Variants in COL10A1 observed in about 807,000 individuals in gnomAD.
The protein encoded by COL10A1 is collagen alpha-1(X) chain.
In COL10A1, 10 loss-of-function variants were observed where a neutral mutation model predicts 18.2. The ratio of observed to expected loss-of-function variants is 0.55; its 90% CI spans 0.34 to 0.93. The LOEUF is 0.93. Among genes scored for constraint, COL10A1 ranks in the 40% least tolerant of loss-of-function variants. The pLI is 0.02. For missense variants in COL10A1, 897 were observed against 853.5 expected, an observed-to-expected ratio of 1.05 and a Z score of -0.64; for synonymous variants, 330 against 316.6, an observed-to-expected ratio of 1.04 and a Z score of -0.45.
the COL10A1 span, among the ~76,000 whole-genome samples, chr6:116,215,500 A>C: frequency 6.6e-6 from 1 of 152,110 alleles, no homozygotes; most frequent in Non-Finnish European, 1.5e-5. Context: ...TCGACTTTAC[A>C]GCCTGTCCAG....
chr6:116,194,305 C>G, the COL10A1 span, among the ~76,000 whole-genome samples: 61 of 152,144 alleles, frequency 4.0e-4, no homozygotes, highest in African/African-American at 1.5e-3. Context: ...TAGCACATTA[C>G]TTGTTTTCAC....
intron 1 of COL10A1, among the ~76,000 whole-genome samples, chr6:116,136,468 GT>G: frequency 1.3e-5 from 2 of 151,518 alleles, no homozygotes; most frequent in South Asian, 4.2e-4. Context: ...GTTTTGTGGG[GT>G]TTTTTTTAAA....
intron 1 of COL10A1, among the ~76,000 whole-genome samples, chr6:116,142,361 A>C (rs1278067670): frequency 6.6e-6 from 1 of 152,108 alleles, no homozygotes; most frequent in Admixed American, 6.5e-5. Context: ...AATTAATAAC[A>C]TAAAAACCAC....
At chr6:116,133,983 T>C (rs898663551) in intron 1 of COL10A1, among the ~76,000 whole-genome samples, 3 of 152,236 alleles carry the variant, frequency 2.0e-5, no homozygotes, top group African/African-American at 4.8e-5. Flanking sequence ...TAATAACTTA[T>C]GAGTCAAAAA....
At chr6:116,140,798 A>G (rs1779745237) in intron 1 of COL10A1, among the ~76,000 whole-genome samples, 2 of 152,148 alleles carry the variant, frequency 1.3e-5, no homozygotes, top group Admixed American at 6.5e-5. Context: ...AGATTTGTCC[A>G]TACTGATGTG....
chr6:116,170,033 G>T, the COL10A1 span, among the ~76,000 whole-genome samples: 22 of 152,282 alleles, frequency 1.4e-4, no homozygotes, highest in Middle Eastern at 3.4e-3. Context: ...TTGGCCATGG[G>T]ATTAGCAATA....
Position 116,121,172 on chromosome 6 carries a change from A to G in COL10A1, c.944T>C (p.Leu315Pro). 2 of 1,613,000 alleles carry G rather than the reference A, an allele frequency of 1.2e-6. No homozygotes were observed. The highest frequency in any genetic ancestry group is 1.7e-6 in the Non-Finnish European group (2 of 1,179,568). The change falls in exon 3 of 3, where the codon CTT becomes CCT. Residue 315 changes from leucine to proline, a missense_variant. Physicochemically the swap from Leu to Pro is moderately conservative, Grantham distance 98. Transcript: ENST00000651968. ...GLKGERGPAG[L>P]PGGPGAKGEQ... ...CCCTTTGGCACCTGGACCCCCAGGA[A>G]GGCCAGCAGGTCCTCTTTCTCCCTT...
intron 1 of COL10A1, among the ~76,000 whole-genome samples, chr6:116,147,312 T>C (rs1246036898): frequency 6.6e-6 from 1 of 151,694 alleles, no homozygotes; most frequent in Non-Finnish European, 1.5e-5. Context: ...CGTGGTGGCA[T>C]CTACCTGTAA....
At chr6:116,201,015 A>G in the COL10A1 span, among the ~76,000 whole-genome samples, 1 of 151,988 alleles carries the variant, frequency 6.6e-6, no homozygotes, top group African/African-American at 2.4e-5. Flanking sequence ...GGAAGGTACT[A>G]TGGTAGCACC....
intron 2 of COL10A1, among the ~76,000 whole-genome samples, chr6:116,123,720 G>A (rs539033866): frequency 6.6e-6 from 1 of 152,168 alleles, no homozygotes. Context: ...GTGTAGTTGA[G>A]TGTCTATCTA....
chr6:116,176,849 G>A, the COL10A1 span, among the ~76,000 whole-genome samples: 1 of 152,142 alleles, frequency 6.6e-6, no homozygotes, highest in African/African-American at 2.4e-5. Context: ...CCTCTTGCCT[G>A]GCTGACTGTC....
At chr6:116,130,671 A>G (rs1779437114), upstream of COL10A1, among the ~76,000 whole-genome samples, 1 of 152,070 alleles carries the variant, frequency 6.6e-6, no homozygotes, top group Non-Finnish European at 1.5e-5. Flanking sequence ...ATTAAATATA[A>G]GATATATGAT....
the COL10A1 span, among the ~76,000 whole-genome samples, chr6:116,169,350 A>G: frequency 6.6e-6 from 1 of 152,246 alleles, no homozygotes; most frequent in African/African-American, 2.4e-5. Flanking sequence ...TTTCCACAAC[A>G]TTTAAAAAAT....
the COL10A1 span, among the ~76,000 whole-genome samples, chr6:116,205,072 G>A: frequency 1.3e-5 from 2 of 151,956 alleles, no homozygotes; most frequent in African/African-American, 4.8e-5. Context: ...CAGTGCAGAA[G>A]TGTCCAAGCA....
At chr6:116,130,402 C>T (rs1779429928), upstream of COL10A1, among the ~76,000 whole-genome samples, 1 of 152,114 alleles carries the variant, frequency 6.6e-6, no homozygotes, top group African/African-American at 2.4e-5. Flanking sequence ...GTGAGAGCCT[C>T]TCCTCTACCA....
At chr6:116,122,114 T>TA (rs1779150195) in intron 2 of COL10A1, among the ~76,000 whole-genome samples, 153 bp from the exon 3 acceptor site, 1 of 152,228 alleles carries the variant, frequency 6.6e-6, no homozygotes, top group African/African-American at 2.4e-5. Context: ...TTAGATTATA[T>TA]GTTTTATACT....
rs761061952 is a variant in COL10A1, at chr6:116,136,447, A to AT, written c.-15-10941dup. Among the ~76,000 whole-genome samples, 22 of 149,072 alleles carry AT rather than the reference A, an allele frequency of 1.5e-4. 1 individual carries two copies. The highest frequency in any genetic ancestry group is 4.0e-4 in the East Asian group (2 of 4,998). The stretch of plus-strand genomic sequence containing the variant: ...CATTCTTAGGTAGATGGTTATAGCT[A>AT]TTTTTTTTAAGTTTTGTGGGGTTTT... On this transcript the variant is annotated intron_variant, in intron 1 of 1. Transcript: ENST00000418500.
At chr6:116,145,934 A>G (rs1165371713) in intron 1 of COL10A1, among the ~76,000 whole-genome samples, 1 of 152,188 alleles carries the variant, frequency 6.6e-6, no homozygotes, top group Admixed American at 6.5e-5. Context: ...AACTCTTTCA[A>G]TTTGGTATGC....
intron 1 of COL10A1, among the ~76,000 whole-genome samples, chr6:116,138,463 T>C (rs1779678918): frequency 6.6e-6 from 1 of 152,208 alleles, no homozygotes; most frequent in Non-Finnish European, 1.5e-5. Flanking sequence ...AACACTGTTT[T>C]TAATTCTTTA....
Sources: gnomAD v4.1 joint callset for allele counts (sites outside exome capture counted in the v4.1 genomes callset) on GRCh38, gnomAD v4.1.1 for gene constraint, MANE v1.5 for transcripts, NCBI Gene and HGNC (gene_info 2026-07-23, HGNC 2026-07-21) for gene names.